The following FRG1 variants were observed in gnomAD, a reference collection of about 807,000 sequenced individuals.
The protein encoded by FRG1 is FSHD region gene 1, also known as protein FRG1.
FRG1 carries 19 observed loss-of-function variants against 37.0 expected under a neutral mutation model. The ratio of observed to expected loss-of-function variants is 0.51; its 90% CI spans 0.36 to 0.75. The LOEUF is 0.75. Among genes scored for constraint, FRG1 ranks in the 30% least tolerant of loss-of-function variants. The pLI, the probability that FRG1 is intolerant of heterozygous loss-of-function variation, is 0.00. For missense variants in FRG1, 243 were observed against 301.4 expected (o/e 0.81, Z 1.44); for synonymous variants, 73 against 96.5 (o/e 0.76, Z 1.43).
intron 2 of FRG1, among the ~76,000 whole-genome samples, chr4:189,951,439 G>A (rs372197054): frequency 2.3e-4 from 34 of 150,624 alleles, no homozygotes; most frequent in African/African-American, 7.3e-4. Context: ...GCAGTGAGCC[G>A]AGATCGCATC....
Position 189,941,023 on chromosome 4 carries a change from C to G in FRG1, c.14C>G (p.Ser5Cys). MAEY[S>C]YVKSTKLVLK... ...TTTCCCGGAGCCATGGCCGAGTACTCCTACGTGAAGTCTACCAAGCTCGTG... is the reference window on the plus strand; with the variant it reads ...TTTCCCGGAGCCATGGCCGAGTACTGCTACGTGAAGTCTACCAAGCTCGTG... The change falls in exon 1 of 9, where the codon TCC becomes TGC. Residue 5 changes from serine (S) to cysteine (C), a missense_variant. By Grantham distance (112) the Ser-to-Cys change is moderately radical. Coordinates refer to ENST00000226798, the MANE Select transcript of FRG1 (RefSeq NM_004477.3). 6.2e-7 allele frequency: 1 copy of G among 1,614,084 alleles called. No homozygotes were observed. The highest frequency in any genetic ancestry group is 8.5e-7 in the Non-Finnish European group (1 of 1,179,932).
chr4:189,963,021 T>C (rs1193608862), intron 8 of FRG1, 72 bp from the exon 9 acceptor site: 2 of 991,724 alleles, frequency 2.0e-6, no homozygotes, highest in Non-Finnish European at 1.5e-6. Flanking sequence ...TAAAGCTTTT[T>C]ATATTTAGTA....
chr4:189,963,037 T>G lies in FRG1; in HGVS notation c.741-56T>G, dbSNP rs1258871968. On this transcript the variant is annotated intron_variant, in intron 8 of 8. Coordinates refer to ENST00000226798, the MANE Select transcript of FRG1 (RefSeq NM_004477.3). ...AAAGCTTTTTATATTTAGTAGCAGT[T>G]GAATATATATGGCATGTTTTACATA... is the stretch of plus-strand genomic sequence containing the variant. 7 of 1,228,808 alleles carry G rather than the reference T, an allele frequency of 5.7e-6. No individual in the cohort carries two copies. The African/African-American group carries it at 1.1e-4, about 19-fold the overall frequency. 76.1% of individuals were successfully genotyped at this position (1,228,808 alleles called of 1,614,324 possible). A position where few individuals can be genotyped will look rare whatever the true frequency, so the allele number is the denominator to read the frequency against.
At chr4:189,945,481 G>T (rs1736489255) in intron 2 of FRG1, among the ~76,000 whole-genome samples, 1 of 152,184 alleles carries the variant, frequency 6.6e-6, no homozygotes, top group African/African-American at 2.4e-5. Context: ...GCTGTCAGAT[G>T]CCTCTTTCTG....
At chr4:189,962,333 A>C (rs1737272080) in intron 8 of FRG1, among the ~76,000 whole-genome samples, 1 of 152,190 alleles carries the variant, frequency 6.6e-6, no homozygotes, top group Non-Finnish European at 1.5e-5. Flanking sequence ...AAACAAGTGA[A>C]ATTGAAGCAG....
intron 2 of FRG1, among the ~76,000 whole-genome samples, chr4:189,950,853 T>A (rs1199967179): frequency 6.6e-6 from 1 of 152,192 alleles, no homozygotes; most frequent in Non-Finnish European, 1.5e-5. Flanking sequence ...TATGTCATTT[T>A]ACCCATGAGT....
intron 2 of FRG1, among the ~76,000 whole-genome samples, chr4:189,944,895 T>G (rs578166697): frequency 2.6e-5 from 4 of 152,210 alleles, no homozygotes; most frequent in Admixed American, 6.5e-5. Context: ...TTTGTTGGAT[T>G]TTCTCGAGAA....
chr4:189,953,600 C>T (rs13148101), intron 4 of FRG1, among the ~76,000 whole-genome samples: 44,057 of 151,878 alleles, frequency 0.29, 6,507 homozygotes, highest in Middle Eastern at 0.43. Flanking sequence ...AAGTATAGAA[C>T]GATTCTTTGG....
At chr4:189,951,438 C>T (rs1055549992) in intron 2 of FRG1, among the ~76,000 whole-genome samples, 7 of 150,422 alleles carry the variant, frequency 4.7e-5, no homozygotes, top group African/African-American at 7.3e-5. Flanking sequence ...CGCAGTGAGC[C>T]GAGATCGCAT....
chr4:189,960,722 A>T lies in FRG1; in HGVS notation c.538-26A>T, dbSNP rs576601494. The T allele has an allele frequency of 1.5e-5, 24 of 1,553,700 alleles. No homozygotes were observed. In the South Asian group the frequency reaches 2.8e-4, roughly 18 times the overall value. ...AAGGTGGAAGATAAACATATAACCC[A>T]TTGGATTCTCTTTTCCAATATCTAG... On this transcript the variant is annotated intron_variant, in intron 6 of 8. Transcript: ENST00000226798.
At chr4:189,956,413 G>C (rs563328571) in intron 5 of FRG1, among the ~76,000 whole-genome samples, 155 of 152,214 alleles carry the variant, frequency 1.0e-3, no homozygotes, top group African/African-American at 3.7e-3. Context: ...AACACTTTAG[G>C]AAAGTTCGTT....
chr4:189,956,819 G>T (rs1737002241), intron 5 of FRG1, among the ~76,000 whole-genome samples: 5 of 152,088 alleles, frequency 3.3e-5, no homozygotes. Flanking sequence ...TTATAACCCA[G>T]ATTTAGATAC....
intron 5 of FRG1, among the ~76,000 whole-genome samples, chr4:189,957,008 A>G (rs1737010225): frequency 2.0e-5 from 3 of 152,206 alleles, no homozygotes; most frequent in Admixed American, 2.0e-4. Flanking sequence ...TTGTGAAGAA[A>G]ATAAATTTTA....
At chr4:189,941,359 T>TG (rs528924382) in intron 1 of FRG1, among the ~76,000 whole-genome samples, 3 of 152,304 alleles carry the variant, frequency 2.0e-5, no homozygotes, top group South Asian at 2.1e-4. Flanking sequence ...GGCCTCTGCC[T>TG]GGGGGGTCTG....
Position 189,952,175 on chromosome 4 carries a change from A to C in FRG1, c.147A>C (p.Thr49=). ...TQLDIVGIWW[T]VTNFGEISGT... ...TTTATTTTTTAGGAATCTGGTGGAC[A>C]GTAACAAACTTTGGTGAAATTTCAG... Residue 49 remains threonine, a synonymous_variant, in exon 3 of 9, where the codon ACA becomes ACC. Coordinates refer to ENST00000226798, the MANE Select transcript of FRG1 (RefSeq NM_004477.3). The C allele has an allele frequency of 6.3e-7, 1 of 1,590,380 alleles. No individual in the cohort carries two copies.
chr4:189,941,813 G>C (rs564976700), intron 1 of FRG1: 1 of 424,886 alleles, frequency 2.4e-6, no homozygotes, highest in African/African-American at 2.1e-5. Context: ...TCATATCCCC[G>C]CTTCTTTTTT....
intron 1 of FRG1, 128 bp downstream of exon 1, chr4:189,941,199 G>C (rs1736279100): frequency 6.0e-6 from 5 of 838,000 alleles, no homozygotes; most frequent in Non-Finnish European, 9.6e-6. Context: ...CCTGGCCCCT[G>C]TCCGGGCTGG....
intron 4 of FRG1, among the ~76,000 whole-genome samples, chr4:189,953,743 AG>A (rs1051596890): frequency 2.6e-5 from 4 of 151,984 alleles, no homozygotes; most frequent in Admixed American, 6.5e-5. Flanking sequence ...ATTCTCGGTA[AG>A]GTAAAAGATT....
rs1737302294 is a variant in FRG1, at chr4:189,963,045, T to A, written c.741-48T>A. On this transcript the variant is annotated intron_variant, in intron 8 of 8. Transcript: ENST00000226798. ...TTATATTTAGTAGCAGTTGAATATA[T>A]ATGGCATGTTTTACATAGATTAATT... The A allele has an allele frequency of 4.5e-6, 6 of 1,330,060 alleles. No individual in the cohort carries two copies. The East Asian group carries it at 1.4e-4, about 31-fold the overall frequency. The allele number at this position is 1,330,060 out of a possible 1,614,324, so 82.4% of individuals were successfully genotyped here.
Sources: allele counts gnomAD v4.1 joint callset (sites outside exome capture counted in the v4.1 genomes callset), GRCh38; gene constraint gnomAD v4.1.1; transcripts MANE v1.5; gene names NCBI Gene and HGNC (gene_info 2026-07-23, HGNC 2026-07-21).